CCSER1: variants seen among roughly 807,000 people sequenced by gnomAD.
CCSER1 encodes coiled-coil serine rich protein 1, also known as serine-rich coiled-coil domain-containing protein 1.
A neutral mutation model predicts 82.0 loss-of-function variants in CCSER1; 41 were observed. The ratio of observed to expected loss-of-function variants is 0.50; its 90% confidence interval spans 0.39 to 0.65. CCSER1 has a LOEUF of 0.65. CCSER1 is among the 30% of genes least tolerant of loss of function. The probability of loss-of-function intolerance (pLI) is 0.00; values close to 1 mark genes in which losing one functional copy is unlikely to be tolerated. For missense variants in CCSER1, 1,119 were observed against 1,064.2 expected, an observed-to-expected ratio of 1.05 and a Z score of -0.72; for synonymous variants, 414 against 383.9, an observed-to-expected ratio of 1.08 and a Z score of -0.92.
intron 10 of CCSER1, among the ~76,000 whole-genome samples, chr4:91,176,820 C>T (rs983403433): frequency 1.3e-5 from 2 of 152,076 alleles, no homozygotes; most frequent in African/African-American, 2.4e-5. Context: ...TTTCTTTCTC[C>T]TGCCTGATTG....
intron 8 of CCSER1, among the ~76,000 whole-genome samples, chr4:90,890,547 C>T (rs914230029): frequency 1.3e-5 from 2 of 152,190 alleles, no homozygotes; most frequent in Non-Finnish European, 2.9e-5. Context: ...GCCTGAAAAA[C>T]ATGGGCATGC....
In CCSER1 at chr4:91,433,898, T is replaced by G. The variant is rs530366490; in HGVS notation, c.2218-164674T>G. Among the ~76,000 whole-genome samples the G allele has an allele frequency of 5.9e-5, 9 of 152,324 alleles. No individual in the cohort carries two copies. In the South Asian group the frequency reaches 1.4e-3, roughly 25 times the overall value. On this transcript the variant is annotated intron_variant, in intron 10 of 10. Transcript: ENST00000509176. The stretch of plus-strand genomic sequence containing the variant: ...TTACTAAATAATAAATCAGTGTTTA[T>G]CACAGTACCTCACACTGTAAACTAA...
chr4:90,872,884 A>T (rs139568868), intron 8 of CCSER1, among the ~76,000 whole-genome samples: 346 of 151,984 alleles, frequency 2.3e-3, no homozygotes, highest in Middle Eastern at 6.8e-3. Flanking sequence ...ATTTTCTTTA[A>T]ATATATCATG....
chr4:90,503,178 A>C (rs1770172366), intron 5 of CCSER1, among the ~76,000 whole-genome samples: 1 of 152,222 alleles, frequency 6.6e-6, no homozygotes, highest in African/African-American at 2.4e-5. Context: ...GAGCTGCAGT[A>C]TGAGATGAGT....
At chr4:90,931,501 C>A (rs12649659) in intron 9 of CCSER1, among the ~76,000 whole-genome samples, 17,174 of 151,994 alleles carry the variant, frequency 0.11, 1,518 homozygotes, top group African/African-American at 0.23. Context: ...TTTTTAATCG[C>A]AGAAATCATA....
At chr4:90,960,964 G>C (rs1733996606) in intron 9 of CCSER1, among the ~76,000 whole-genome samples, 1 of 152,080 alleles carries the variant, frequency 6.6e-6, no homozygotes, top group Admixed American at 6.6e-5. Flanking sequence ...AGGCAGTTTG[G>C]CTCAGAGTTC....
chr4:90,907,138 G>T (rs917523289), intron 8 of CCSER1, among the ~76,000 whole-genome samples: 6 of 152,070 alleles, frequency 3.9e-5, no homozygotes, highest in Non-Finnish European at 1.5e-5. Flanking sequence ...TTTACCACAG[G>T]GCAAGAGCCT....
At chr4:90,561,435 G>C (rs1003150774) in intron 5 of CCSER1, among the ~76,000 whole-genome samples, 4 of 152,190 alleles carry the variant, frequency 2.6e-5, no homozygotes, top group African/African-American at 7.2e-5. Context: ...TGAAAGATGT[G>C]TAAAATCTCA....
At chr4:90,161,316 T>TC (rs937589650) in intron 1 of CCSER1, among the ~76,000 whole-genome samples, 1 of 152,176 alleles carries the variant, frequency 6.6e-6, no homozygotes, top group African/African-American at 2.4e-5. Flanking sequence ...TAATTCTGTT[T>TC]CAGGTACTGT....
chr4:91,429,939 A>C (rs1447489848), intron 10 of CCSER1, among the ~76,000 whole-genome samples: 38 of 151,970 alleles, frequency 2.5e-4, no homozygotes, highest in Admixed American at 2.5e-3. Context: ...GATCTGAGAC[A>C]TACAACCTAT....
At chr4:90,876,798 C>A (rs185289594) in intron 8 of CCSER1, among the ~76,000 whole-genome samples, 1 of 152,178 alleles carries the variant, frequency 6.6e-6, no homozygotes, top group South Asian at 2.1e-4. Flanking sequence ...CTCCTATTAA[C>A]GTAATGCTAA....
intron 6 of CCSER1, among the ~76,000 whole-genome samples, chr4:90,718,850 A>T (rs1022395283): frequency 2.6e-5 from 4 of 152,176 alleles, no homozygotes; most frequent in African/African-American, 9.6e-5. Context: ...CGAGTCCCAT[A>T]AACTCCTGAG....
intron 10 of CCSER1, among the ~76,000 whole-genome samples, chr4:91,382,038 C>T (rs1355217855): frequency 6.6e-6 from 1 of 152,138 alleles, no homozygotes; most frequent in Non-Finnish European, 1.5e-5. Flanking sequence ...TCCTGTTTGC[C>T]TGGGTGTCAG....
chr4:90,621,114 C>T (rs553420814), intron 5 of CCSER1, among the ~76,000 whole-genome samples: 8 of 152,294 alleles, frequency 5.3e-5, no homozygotes, highest in African/African-American at 1.2e-4. Flanking sequence ...CCACCCTGCC[C>T]GGCCACCAGT....
At chr4:90,996,110 A>G (rs995047008) in intron 9 of CCSER1, among the ~76,000 whole-genome samples, 33 of 152,204 alleles carry the variant, frequency 2.2e-4, no homozygotes, top group African/African-American at 7.5e-4. Flanking sequence ...GTTAAATAGG[A>G]CTTTATTTTC....
At chr4:90,488,338 C>T (rs945540787) in intron 5 of CCSER1, among the ~76,000 whole-genome samples, 5 of 152,026 alleles carry the variant, frequency 3.3e-5, no homozygotes, top group Admixed American at 6.6e-5. Flanking sequence ...CAGGCACCCA[C>T]CACCACACCC....
At chr4:90,427,553 TTCAC>T (rs1757696688) in intron 4 of CCSER1, among the ~76,000 whole-genome samples, 2 of 151,638 alleles carry the variant, frequency 1.3e-5, no homozygotes, top group Non-Finnish European at 3.0e-5. Flanking sequence ...AAATTTGTCA[TTCAC>T]TATCTAATTG....
intron 10 of CCSER1, among the ~76,000 whole-genome samples, chr4:91,316,104 A>C (rs1449004180): frequency 6.6e-6 from 1 of 151,984 alleles, no homozygotes. Context: ...GTAGGACGTA[A>C]CTTTGTTCCT....
At chr4:91,467,602 T>C (rs545895293) in intron 10 of CCSER1, among the ~76,000 whole-genome samples, 1 of 152,214 alleles carries the variant, frequency 6.6e-6, no homozygotes, top group Admixed American at 6.5e-5. Context: ...AATCTACTCA[T>C]CTGACAAAGG....
Sources: allele counts gnomAD v4.1 joint callset (sites outside exome capture counted in the v4.1 genomes callset), GRCh38; gene constraint gnomAD v4.1.1; transcripts MANE v1.5; gene names NCBI Gene and HGNC (gene_info 2026-07-23, HGNC 2026-07-21).